PRIM2: variants seen among roughly 807,000 people sequenced by gnomAD.
PRIM2 encodes the protein DNA primase subunit 2.
Under a neutral mutation model 67.3 loss-of-function variants are expected in PRIM2, and 39 were observed. The observed-to-expected ratio is 0.58, with a 90% CI of 0.45 to 0.76. The LOEUF is 0.76. Among genes scored for constraint, PRIM2 ranks in the 30% least tolerant of loss-of-function variants. PRIM2 has a pLI of 0.00. For synonymous variants in PRIM2, 143 were observed against 198.7 expected (o/e 0.72, Z 2.36); for missense variants, 398 against 598.7 (o/e 0.66, Z 3.50).
chr6:57,393,901 C>T (rs1770440156), intron 7 of PRIM2, among the ~76,000 whole-genome samples: 1 of 151,792 alleles, frequency 6.6e-6, no homozygotes, highest in African/African-American at 2.4e-5. Flanking sequence ...TATCCCTGCA[C>T]CATTTGTTGA....
intron 4 of PRIM2, 90 bp downstream of exon 4, chr6:57,324,370 G>A: frequency 1.4e-6 from 1 of 700,834 alleles, no homozygotes; most frequent in Non-Finnish European, 2.5e-6. Flanking sequence ...GCTAAACATA[G>A]GAAAACCCAG....
At position 57,431,702 on chromosome 6, in the gene PRIM2, C is replaced by T. The variant is rs553739464; in HGVS notation, c.693+49534C>T. On this transcript the variant is annotated intron_variant, in intron 7 of 13. Transcript: ENST00000615550. ...AGCAGTTCATTTTTGAGAGATAAAC[C>T]TAGGGATTGTAAGTCATCATGCACC... Among the ~76,000 whole-genome samples the T allele has an allele frequency of 3.2e-4, 48 of 152,090 alleles. 2 individuals are homozygous for T. The South Asian group carries it at 3.9e-3, about 13-fold the overall frequency.
chr6:57,346,197 C>T (rs547498155), intron 5 of PRIM2, among the ~76,000 whole-genome samples: 3 of 152,284 alleles, frequency 2.0e-5, no homozygotes, highest in African/African-American at 4.8e-5. Flanking sequence ...CCATCAAGTG[C>T]GAGCCTCATT....
At chr6:57,609,781 A>G (rs1776631386) in intron 12 of PRIM2, among the ~76,000 whole-genome samples, 1 of 152,158 alleles carries the variant, frequency 6.6e-6, no homozygotes, top group Non-Finnish European at 1.5e-5. Context: ...CTTTTATTTG[A>G]TGTCTTTATT....
intron 10 of PRIM2, among the ~76,000 whole-genome samples, chr6:57,572,920 T>C (rs1775888936): frequency 2.0e-5 from 3 of 152,250 alleles, no homozygotes; most frequent in Non-Finnish European, 2.9e-5. Flanking sequence ...AGTAATGTTA[T>C]GCTTTTCTTT....
intron 5 of PRIM2, among the ~76,000 whole-genome samples, chr6:57,359,540 A>G (rs1769131513): frequency 6.6e-6 from 1 of 152,202 alleles, no homozygotes; most frequent in Non-Finnish European, 1.5e-5. Flanking sequence ...GAGCTGTAAT[A>G]CAATGGCTGT....
In PRIM2 at chr6:57,601,954, C is replaced by T. The variant is rs1309383889; in HGVS notation, c.1147+735C>T. Among the ~76,000 whole-genome samples the T allele has an allele frequency of 2.6e-5, 4 of 151,942 alleles. No homozygotes were observed. The East Asian group carries it at 7.7e-4, about 29-fold the overall frequency. On this transcript the variant is annotated intron_variant, in intron 11 of 13. Transcript: ENST00000615550. Reference sequence around the variant, plus strand: ...ATTTTTAGAAAGACATTCTATGTGACCAAATCATTAAAAAATGCCTATACA... The same window carrying T: ...ATTTTTAGAAAGACATTCTATGTGATCAAATCATTAAAAAATGCCTATACA...
the PRIM2 span, among the ~76,000 whole-genome samples, chr6:57,286,914 G>A: frequency 2.0e-4 from 31 of 151,966 alleles, no homozygotes; most frequent in East Asian, 6.0e-3. Context: ...ATTTACAAGA[G>A]AAAAACAACC....
At chr6:57,397,970 T>TC (rs1459878404) in intron 7 of PRIM2, among the ~76,000 whole-genome samples, 13 of 150,646 alleles carry the variant, frequency 8.6e-5, no homozygotes, top group African/African-American at 1.5e-4. Context: ...TTTCTTTCTT[T>TC]TTTTTTTTGA....
At chr6:57,294,205 C>A in the PRIM2 span, among the ~76,000 whole-genome samples, 1 of 152,024 alleles carries the variant, frequency 6.6e-6, no homozygotes, top group East Asian at 1.9e-4. Context: ...ATAGGCCAGG[C>A]GTGGTGGCTC....
intron 7 of PRIM2, among the ~76,000 whole-genome samples, chr6:57,476,157 T>G (rs1773473587): frequency 6.6e-6 from 1 of 152,304 alleles, no homozygotes; most frequent in East Asian, 1.9e-4. Context: ...ATATTAAACA[T>G]GAGTCATTAT....
chr6:57,595,156 G>A (rs1267987908), intron 10 of PRIM2, among the ~76,000 whole-genome samples: 43 of 152,152 alleles, frequency 2.8e-4, no homozygotes, highest in Non-Finnish European at 3.5e-4. Context: ...GCTGGTGGGG[G>A]TATAAAATAG....
the PRIM2 span, among the ~76,000 whole-genome samples, chr6:57,303,175 G>A: frequency 6.6e-6 from 1 of 152,004 alleles, no homozygotes; most frequent in Admixed American, 6.6e-5. Flanking sequence ...TTAAATACAA[G>A]CCAAATGATA....
At chr6:57,512,742 C>T (rs1554347828) in intron 8 of PRIM2, among the ~76,000 whole-genome samples, 5 of 152,094 alleles carry the variant, frequency 3.3e-5, no homozygotes, top group African/African-American at 1.2e-4. Flanking sequence ...GGACTACAGG[C>T]ATGTGCCACC....
intron 7 of PRIM2, among the ~76,000 whole-genome samples, chr6:57,471,721 G>C (rs1581939118): frequency 6.6e-6 from 1 of 152,086 alleles, no homozygotes; most frequent in Non-Finnish European, 1.5e-5. Context: ...TTTTACTTTT[G>C]TAAAGAGTCA....
intron 8 of PRIM2, among the ~76,000 whole-genome samples, chr6:57,524,980 G>T (rs1237352917): frequency 2.0e-5 from 3 of 151,812 alleles, no homozygotes; most frequent in Admixed American, 2.0e-4. Flanking sequence ...ACTTAAAGGG[G>T]TTTTTAAAAT....
intron 10 of PRIM2, among the ~76,000 whole-genome samples, chr6:57,582,307 A>G (rs1276211769): frequency 2.0e-5 from 3 of 152,138 alleles, no homozygotes; most frequent in Admixed American, 2.0e-4. Flanking sequence ...TTGCTAGTTT[A>G]ATAAGCAATG....
intron 7 of PRIM2, among the ~76,000 whole-genome samples, chr6:57,441,008 T>A (rs548215596): frequency 1.3e-5 from 2 of 152,254 alleles, no homozygotes; most frequent in Non-Finnish European, 2.9e-5. Context: ...ACTTAGCAAC[T>A]GTGAAAGCTA....
the PRIM2 span, among the ~76,000 whole-genome samples, chr6:57,308,052 T>A: frequency 1.3e-5 from 2 of 152,200 alleles, no homozygotes; most frequent in East Asian, 3.8e-4. Context: ...GTAATTGTAG[T>A]AGTTCATTCA....
Sources: allele counts gnomAD v4.1 joint callset (sites outside exome capture counted in the v4.1 genomes callset), GRCh38; gene constraint gnomAD v4.1.1; transcripts MANE v1.5; gene names NCBI Gene and HGNC (gene_info 2026-07-23, HGNC 2026-07-21).